The following GOT1L1 variants were observed in gnomAD, a reference collection of about 807,000 sequenced individuals.
GOT1L1 encodes the protein aspartate aminotransferase, cytoplasmic 2.
In GOT1L1, 38 loss-of-function variants were observed where a neutral mutation model predicts 43.6. The observed-to-expected ratio is 0.87, with a 90% CI of 0.67 to 1.14. The LOEUF (loss-of-function observed/expected upper bound fraction) is 1.14. Ranked by LOEUF, GOT1L1 falls within the 50% of genes most tolerant of loss-of-function variation. The pLI is 0.00. For synonymous variants in GOT1L1, 183 were observed against 187.2 expected, an observed-to-expected ratio of 0.98 and a Z score of 0.18; for missense variants, 482 against 504.0, an observed-to-expected ratio of 0.96 and a Z score of 0.42.
intron 8 of GOT1L1, 68 bp from the exon 9 acceptor site, chr8:37,934,554 T>C: frequency 8.8e-7 from 1 of 1,137,362 alleles, no homozygotes; most frequent in Non-Finnish European, 1.3e-6. Flanking sequence ...CCCAGGCTGG[T>C]TTATTTTCTT....
rs1049749630 is a variant in GOT1L1, at chr8:37,935,947, A to G, written c.764-78T>C. On this transcript the variant is annotated intron_variant, in intron 6 of 8. Transcript: ENST00000307599. ...GCCTTCACCTAGATCTCAACCCCCA[A>G]CCTTGCAGAAGAAAGGGTTGAACCA... The G allele has an allele frequency of 2.7e-6, 4 of 1,488,658 alleles. No individual in the cohort carries two copies. In the African/African-American group the frequency reaches 5.7e-5, roughly 21 times the overall value. The allele number at this position is 1,488,658 out of a possible 1,614,324, so 92.2% of individuals were successfully genotyped here.
At chr8:37,937,192 G>C (rs1807783719) in intron 4 of GOT1L1, 85 bp downstream of exon 4, 1 of 1,216,184 alleles carries the variant, frequency 8.2e-7, no homozygotes, top group African/African-American at 1.5e-5. Context: ...AAAAGGTCTT[G>C]GATGACTTAA....
intron 3 of GOT1L1, 33 bp from the exon 4 acceptor site, chr8:37,937,419 A>C (rs371940771): frequency 7.1e-7 from 1 of 1,415,406 alleles, no homozygotes; most frequent in African/African-American, 1.4e-5. Flanking sequence ...TAGCTGGTAC[A>C]TGGGAAACAG....
chr8:37,937,173 C>A, intron 4 of GOT1L1, 104 bp downstream of exon 4: 1 of 1,256,064 alleles, frequency 8.0e-7, no homozygotes, highest in South Asian at 1.3e-5. Flanking sequence ...CAGGCAAATT[C>A]AAACCTGGAA....
Position 37,937,342 on chromosome 8 carries a change from C to T in GOT1L1, c.454G>A (p.Glu152Lys), listed in dbSNP as rs756786046. 15 of 1,610,340 alleles carry T rather than the reference C, an allele frequency of 9.3e-6. No individual in the cohort carries two copies. Among genetic ancestry groups the T allele is most frequent in the Middle Eastern group, 1.6e-4 (1 of 6,062 alleles). The change falls in exon 4 of 9, where the codon GAA becomes AAA. Residue 152 changes from glutamate to lysine, a missense_variant. By Grantham distance (56) the Glu-to-Lys change is moderately conservative. Coordinates refer to ENST00000307599, the MANE Select transcript of GOT1L1 (RefSeq NM_152413.3). ...TTCTTGGGGTCCCAGACAGAGTATT[C>T]ATAAACTGTAAAGCCCATGTCCTGG... The part of the protein sequence containing the change: ...VFQDMGFTVY[E>K]YSVWDPKKLC...
In GOT1L1 at chr8:37,937,384, G is replaced by A. The variant is rs61735752; in HGVS notation, c.412C>T (p.Leu138=). 5.7e-6 allele frequency: 9 copies of A among 1,583,872 alleles called. No individual in the cohort carries two copies. Among genetic ancestry groups the A allele is most frequent in the Non-Finnish European group, 5.2e-6 (6 of 1,164,454 alleles). ...ATGTCCTGGAAGACGAGTCCATGCA[G>A]TTCTGTGGGAACACAGCCCCCCACT... is the stretch of plus-strand genomic sequence containing the variant. ...IVYIISSQKE[L]HGLVFQDMGF... is the part of the protein sequence containing the mutation. Residue 138 remains leucine (L), a splice_region_variant and synonymous_variant, in exon 4 of 9, where the codon CTG becomes TTG. Transcript: ENST00000307599.
chr8:37,937,791 C>T lies in GOT1L1; in HGVS notation c.298-42G>A. The T allele has an allele frequency of 2.2e-6, 3 of 1,364,826 alleles. No homozygotes were observed. In the South Asian group the frequency reaches 3.6e-5, roughly 16 times the overall value. The allele number at this position is 1,364,826 out of a possible 1,614,324, so 84.5% of individuals were successfully genotyped here. On this transcript the variant is annotated intron_variant, in intron 2 of 8. Transcript: ENST00000307599. ...GACACAAATAGGCCAGGTGTGGTGG[C>T]TCACACCTGTAATTCCAGCACTTTG...
At chr8:37,935,632 T>C in intron 7 of GOT1L1, 72 bp downstream of exon 7, 1 of 1,363,438 alleles carries the variant, frequency 7.3e-7, no homozygotes, top group Non-Finnish European at 9.8e-7. Context: ...CCCTGCCGAA[T>C]CCTGCAGATC....
At position 37,935,107 on chromosome 8, in the gene GOT1L1, C is replaced by T; in HGVS notation, c.1038G>A (p.Glu346=). 6.2e-7 allele frequency: 1 copy of T among 1,613,700 alleles called. No individual in the cohort carries two copies. Among genetic ancestry groups the T allele is most frequent in the East Asian group, 2.2e-5 (1 of 44,872 alleles). The change falls in exon 8 of 9, where the codon GAG becomes GAA. Residue 346 remains glutamate, a synonymous_variant. Transcript: ENST00000307599. ...GTPGSWGHIT[E]QSGTHGYLGL... is the part of the protein sequence containing the mutation. ...CAAGATAGCCGTGGGTCCCACTCTGCTCGGTGATGTGACCCCAGGACCCAG... is the reference window on the plus strand; with the variant it reads ...CAAGATAGCCGTGGGTCCCACTCTGTTCGGTGATGTGACCCCAGGACCCAG...
At chr8:37,939,431 A>AAAATATAT (rs1237987679) in intron 1 of GOT1L1, among the ~76,000 whole-genome samples, 81 of 41,656 alleles carry the variant, frequency 1.9e-3, no homozygotes, top group Non-Finnish European at 2.9e-3. Flanking sequence ...AAAAAAAAAA[A>AAAATATAT]ATATATATAT....
At chr8:37,936,111 C>T (rs1444834383) in intron 6 of GOT1L1, among the ~76,000 whole-genome samples, 1 of 152,104 alleles carries the variant, frequency 6.6e-6, no homozygotes, top group Admixed American at 6.6e-5. Flanking sequence ...TTCTACTCTC[C>T]TGTTTTTTCC....
chr8:37,934,886 T>G, intron 8 of GOT1L1, 187 bp downstream of exon 8: 1 of 652,012 alleles, frequency 1.5e-6, no homozygotes, highest in Non-Finnish European at 2.6e-6. Flanking sequence ...CCCAGGCTGG[T>G]TTATGAAGGA....
At chr8:37,935,939 A>C in intron 6 of GOT1L1, 70 bp from the exon 7 acceptor site, 549 of 1,492,940 alleles carry the variant, frequency 3.7e-4, no homozygotes, top group Non-Finnish European at 4.4e-4. Context: ...CCTAGATCTC[A>C]ACCCCCAACC....
rs368566290 is a variant in GOT1L1 at position 37,937,372 on chromosome 8, C to T, written c.424G>A (p.Val142Ile). The change falls in exon 4 of 9, where the codon GTC becomes ATC. Residue 142 changes from valine (V) to isoleucine (I), a missense_variant. Transcript: ENST00000307599. ...ISSQKELHGLVFQDMGFTVYE... is the reference protein window; with the variant it reads ...ISSQKELHGLIFQDMGFTVYE... ...ACTGTAAAGCCCATGTCCTGGAAGA[C>T]GAGTCCATGCAGTTCTGTGGGAACA... 24 of 1,598,672 alleles carry T rather than the reference C, an allele frequency of 1.5e-5. No homozygotes were observed. The African/African-American group carries it at 2.4e-4, about 16-fold the overall frequency.
At chr8:37,938,919 G>T (rs1051608710) in intron 1 of GOT1L1, 38 bp from the exon 2 acceptor site, 3 of 1,601,760 alleles carry the variant, frequency 1.9e-6, no homozygotes, top group Admixed American at 3.4e-5. Context: ...CAGATGCCTG[G>T]TTTGGGCCCC....
Position 37,935,704 on chromosome 8 carries a change from C to T in GOT1L1, c.929G>A (p.Trp310Ter), listed in dbSNP as rs537659800. ...ILCNPALLGE[W>*]KQSLKEVVEN... ...TTCCTGCTCCAGCCCTCACCCTTACCATTCTCCCAGCAGAGCAGGGTTGCA... is the reference window on the plus strand; with the variant it reads ...TTCCTGCTCCAGCCCTCACCCTTACTATTCTCCCAGCAGAGCAGGGTTGCA... The change falls in exon 7 of 9, where the codon TGG becomes TAG. Residue 310 changes from tryptophan to a stop codon, truncating the protein, a stop_gained and splice_region_variant. Transcript: ENST00000307599. LOFTEE classifies it high-confidence loss of function. 4 of 1,577,596 alleles carry T rather than the reference C, an allele frequency of 2.5e-6. No homozygotes were observed. In the South Asian group the frequency reaches 4.6e-5, roughly 18 times the overall value.
chr8:37,937,400 GC>G lies in GOT1L1; in HGVS notation c.410-15del. 1.3e-6 allele frequency: 2 copies of G among 1,513,480 alleles called. No homozygotes were observed. Among genetic ancestry groups the G allele is most frequent in the South Asian group, 1.2e-5 (1 of 81,390 alleles). The allele number at this position is 1,513,480 out of a possible 1,614,324, so 93.8% of individuals were successfully genotyped here. On this transcript the variant is annotated splice_polypyrimidine_tract_variant and intron_variant, in intron 3 of 8. Coordinates refer to ENST00000307599, the MANE Select transcript of GOT1L1 (RefSeq NM_152413.3). ...GTCCATGCAGTTCTGTGGGAACACA[GC>G]CCCCCACTAGCTGGTACATGGGAAA...
chr8:37,936,159 T>C (rs1290158673), intron 6 of GOT1L1, among the ~76,000 whole-genome samples: 1 of 152,178 alleles, frequency 6.6e-6, no homozygotes, highest in Admixed American at 6.6e-5. Flanking sequence ...TATTTTTATT[T>C]GTTTAAAGTG....
At chr8:37,936,522 G>A (rs1807760556) in intron 6 of GOT1L1, among the ~76,000 whole-genome samples, 198 bp downstream of exon 6, 1 of 151,936 alleles carries the variant, frequency 6.6e-6, no homozygotes, top group Non-Finnish European at 1.5e-5. Flanking sequence ...AATGATCCAA[G>A]CCAAGCTGGG....
Sources: allele counts gnomAD v4.1 joint callset (sites outside exome capture counted in the v4.1 genomes callset), GRCh38; gene constraint gnomAD v4.1.1; transcripts MANE v1.5; gene names NCBI Gene and HGNC (gene_info 2026-07-23, HGNC 2026-07-21).